Variants in TOX observed in about 807,000 individuals in gnomAD.
The protein encoded by TOX is thymocyte selection associated high mobility group box.
Under a neutral mutation model 53.7 loss-of-function variants are expected in TOX, and 11 were observed. The observed-to-expected ratio is 0.20, with a 90% CI of 0.13 to 0.34. The LOEUF is 0.34. Among genes scored for constraint, TOX ranks in the 10% least tolerant of loss-of-function variants. The probability of loss-of-function intolerance (pLI) is 1.00; values close to 1 mark genes in which losing one functional copy is unlikely to be tolerated. For missense variants in TOX, 570 were observed against 664.6 expected (o/e 0.86, Z 1.56); for synonymous variants, 225 against 245.3 (o/e 0.92, Z 0.77).
intron 1 of TOX, among the ~76,000 whole-genome samples, chr8:58,987,143 G>A (rs2129417115): frequency 6.6e-6 from 1 of 152,314 alleles, no homozygotes; most frequent in Middle Eastern, 3.4e-3. Flanking sequence ...GAAATTGGGG[G>A]TAGTTATTTG....
intron 1 of TOX, among the ~76,000 whole-genome samples, chr8:59,027,889 A>G (rs531556104): frequency 1.6e-4 from 24 of 152,256 alleles, no homozygotes; most frequent in African/African-American, 5.8e-4. Context: ...CTTCATTCAC[A>G]TGGTTGTTAG....
intron 1 of TOX, among the ~76,000 whole-genome samples, chr8:59,002,100 C>T (rs1813699412): frequency 6.6e-6 from 1 of 150,828 alleles, no homozygotes; most frequent in African/African-American, 2.4e-5. Flanking sequence ...GTCAGCCTCC[C>T]CAGTAGCTGG....
In TOX at chr8:59,048,958, G is replaced by A. The variant is rs561855275; in HGVS notation, c.102+69928C>T. Among the ~76,000 whole-genome samples, 284 of 151,912 alleles carry A rather than the reference G, an allele frequency of 1.9e-3. 1 individual carries two copies. Among genetic ancestry groups the A allele is most frequent in the Admixed American group, 3.7e-3 (57 of 15,256 alleles). ...TTATTGAAAATAAAAATGTATTTTC[G>A]AAAAAATGTTCAAATTTACTCAAAG... is the stretch of plus-strand genomic sequence containing the variant. On this transcript the variant is annotated intron_variant, in intron 1 of 8. Coordinates refer to ENST00000361421, the MANE Select transcript of TOX (RefSeq NM_014729.3).
intron 2 of TOX, among the ~76,000 whole-genome samples, chr8:58,957,132 C>T (rs1321927837): frequency 2.6e-5 from 4 of 152,122 alleles, no homozygotes; most frequent in Non-Finnish European, 5.9e-5. Context: ...CTTAACGGGA[C>T]AAAGTTCAGG....
At chr8:58,959,903 T>C (rs759166970) in intron 2 of TOX, 40 bp downstream of exon 2, 12 of 1,606,270 alleles carry the variant, frequency 7.5e-6, no homozygotes, top group Admixed American at 1.7e-5. Flanking sequence ...ATTTGTTTAA[T>C]TACAATTTGA....
At chr8:58,906,120 G>T (rs957540087) in intron 3 of TOX, among the ~76,000 whole-genome samples, 2 of 152,154 alleles carry the variant, frequency 1.3e-5, no homozygotes, top group African/African-American at 2.4e-5. Flanking sequence ...ATTTGAAGTT[G>T]ATGGGGATGA....
At chr8:58,832,339 G>A (rs1810475254) in intron 5 of TOX, among the ~76,000 whole-genome samples, 1 of 151,696 alleles carries the variant, frequency 6.6e-6, no homozygotes, top group African/African-American at 2.4e-5. Flanking sequence ...TTTTAAGTGA[G>A]CAACTGTTTT....
chr8:59,078,641 G>A (rs1403405832), intron 1 of TOX, among the ~76,000 whole-genome samples: 1 of 152,090 alleles, frequency 6.6e-6, no homozygotes, highest in African/African-American at 2.4e-5. Flanking sequence ...CTCAGTCTCA[G>A]GTATTTCTTT....
At chr8:59,001,778 A>G (rs1024032593) in intron 1 of TOX, among the ~76,000 whole-genome samples, 1 of 152,146 alleles carries the variant, frequency 6.6e-6, no homozygotes, top group Non-Finnish European at 1.5e-5. Flanking sequence ...TCAGATGACA[A>G]AATGATAGTT....
chr8:59,031,105 G>C (rs979925049), intron 1 of TOX, among the ~76,000 whole-genome samples: 4 of 152,156 alleles, frequency 2.6e-5, no homozygotes, highest in Admixed American at 1.3e-4. Flanking sequence ...TTCCAGTTGG[G>C]TATGACAGGT....
intron 5 of TOX, among the ~76,000 whole-genome samples, chr8:58,830,938 C>G (rs904372179): frequency 6.6e-6 from 1 of 152,138 alleles, no homozygotes; most frequent in Non-Finnish European, 1.5e-5. Flanking sequence ...TCTTTCAAGG[C>G]TGTTGTTATT....
At chr8:58,821,925 C>G (rs910233056) in intron 6 of TOX, among the ~76,000 whole-genome samples, 1 of 152,088 alleles carries the variant, frequency 6.6e-6, no homozygotes, top group African/African-American at 2.4e-5. Flanking sequence ...GATCCACCCG[C>G]CCCAGAGACT....
chr8:58,809,894 T>C (rs1374277087), intron 7 of TOX, among the ~76,000 whole-genome samples: 1 of 152,344 alleles, frequency 6.6e-6, no homozygotes, highest in Admixed American at 6.5e-5. Context: ...CAATAAATCA[T>C]GTTTTTCATA....
At chr8:59,047,008 T>C (rs1406324055) in intron 1 of TOX, among the ~76,000 whole-genome samples, 1 of 152,080 alleles carries the variant, frequency 6.6e-6, no homozygotes, top group Non-Finnish European at 1.5e-5. Context: ...CCATGTCTAT[T>C]CACTGGTAAT....
chr8:58,957,497 A>G (rs1812730900), intron 2 of TOX, among the ~76,000 whole-genome samples: 1 of 152,246 alleles, frequency 6.6e-6, no homozygotes, highest in African/African-American at 2.4e-5. Context: ...ATAGTGCCAA[A>G]GAGCCCTTTG....
intron 1 of TOX, among the ~76,000 whole-genome samples, chr8:59,065,807 C>T (rs1290290645): frequency 1.3e-5 from 2 of 152,130 alleles, no homozygotes. Context: ...CTTGGTTTCT[C>T]CCTTCTGAAT....
intron 3 of TOX, among the ~76,000 whole-genome samples, chr8:58,912,457 T>A (rs1339329316): frequency 6.6e-6 from 1 of 152,218 alleles, no homozygotes; most frequent in Non-Finnish European, 1.5e-5. Flanking sequence ...GCCGGCTGAC[T>A]AAATTTTCTT....
rs941622637 is a variant in TOX at position 59,115,914 on chromosome 8, T to C, written c.102+2972A>G. On this transcript the variant is annotated intron_variant, in intron 1 of 8. Coordinates refer to ENST00000361421, the MANE Select transcript of TOX (RefSeq NM_014729.3). ...TACTAGATTAAACCGTTTCCAAAAA[T>C]GCCTCCTCCAGAGTTTATTAACTGA... Among the ~76,000 whole-genome samples the C allele has an allele frequency of 5.3e-5, 8 of 152,060 alleles. No individual in the cohort carries two copies. In the South Asian group the frequency reaches 6.2e-4, roughly 12 times the overall value.
intron 1 of TOX, among the ~76,000 whole-genome samples, chr8:59,066,127 C>T (rs1167441578): frequency 1.8e-4 from 27 of 152,212 alleles, no homozygotes; most frequent in Admixed American, 1.8e-3. Flanking sequence ...CCTCTTCCTT[C>T]TTGGATATTG....
Sources: gnomAD v4.1 joint callset for allele counts (sites outside exome capture counted in the v4.1 genomes callset) on GRCh38, gnomAD v4.1.1 for gene constraint, MANE v1.5 for transcripts, NCBI Gene and HGNC (gene_info 2026-07-23, HGNC 2026-07-21) for gene names.